KCNH4: variants seen among roughly 807,000 people sequenced by gnomAD.
KCNH4 encodes voltage-gated delayed rectifier potassium channel KCNH4.
Under a neutral mutation model 90.7 loss-of-function variants are expected in KCNH4, and 33 were observed. That is an observed-to-expected ratio of 0.36 (90% CI 0.28 to 0.49). The LOEUF is 0.49. Among genes scored for constraint, KCNH4 ranks in the 20% least tolerant of loss-of-function variants. The probability of loss-of-function intolerance (pLI) is 0.98; values close to 1 mark genes in which losing one functional copy is unlikely to be tolerated. For missense variants in KCNH4, 1,044 were observed against 1,387.1 expected (o/e 0.75, Z 3.93); for synonymous variants, 551 against 581.7 (o/e 0.95, Z 0.76).
intron 14 of KCNH4, 144 bp from the exon 15 acceptor site, chr17:42,162,465 C>T (rs2079755758): frequency 3.2e-6 from 2 of 631,582 alleles, no homozygotes; most frequent in Non-Finnish European, 2.7e-6. Flanking sequence ...ACCTAAACTC[C>T]TTAGCCTGGT....
rs756301057 is a variant in KCNH4 at position 42,178,918 on chromosome 17, T to C, written c.185A>G (p.Gln62Arg). ...GAGGAAACGGCAGCTGCAGGTCTTC[T>C]GCATGACCTCGGTGCGACCGTAGCC... Reference protein sequence around the residue: ...LTGYGRTEVMQKTCSCRFLYG... With the variant: ...LTGYGRTEVMRKTCSCRFLYG... Residue 62 changes from glutamine (Q) to arginine (R), a missense_variant, in exon 2 of 17, where the codon CAG (glutamine) becomes CGG (arginine). Transcript: ENST00000264661. 4 of 1,614,064 alleles carry C rather than the reference T, an allele frequency of 2.5e-6. No individual in the cohort carries two copies. The highest frequency in any genetic ancestry group is 3.4e-6 in the Non-Finnish European group (4 of 1,180,038).
intron 5 of KCNH4, 42 bp from the exon 6 acceptor site, chr17:42,175,778 G>A: frequency 6.2e-7 from 1 of 1,610,748 alleles, no homozygotes; most frequent in Non-Finnish European, 8.5e-7. Context: ...CTTGGCAAAG[G>A]GGTCAAGAAA....
chr17:42,169,989 G>T, intron 8 of KCNH4, 118 bp downstream of exon 8: 1 of 1,071,872 alleles, frequency 9.3e-7, no homozygotes, highest in Non-Finnish European at 1.3e-6. Flanking sequence ...ATGAATGCGT[G>T]ACTGTCTGGA....
At position 42,163,530 on chromosome 17, in the gene KCNH4, C is replaced by T. The variant is rs775881983; in HGVS notation, c.2477+76G>A. 1.1e-5 allele frequency: 9 copies of T among 795,138 alleles called. No homozygotes were observed. The highest frequency in any genetic ancestry group is 2.7e-5 in the Admixed American group (1 of 36,622). 49.3% of individuals were successfully genotyped at this position (795,138 alleles called of 1,614,324 possible). A position where few individuals can be genotyped will look rare whatever the true frequency, so the allele number is the denominator to read the frequency against. ...AGACGGAATGTAGCACTGTTTGGAA[C>T]GCCAGGGATAGAGCCCAGAGAAGGT... On this transcript the variant is annotated intron_variant, in intron 13 of 16. Transcript: ENST00000264661. This position sits in a 1 kb window ranked among gnomAD's most constrained non-coding sequence, Gnocchi z 5.4.
At position 42,165,538 on chromosome 17, in the gene KCNH4, G is replaced by A. The variant is rs757435873; in HGVS notation, c.1996C>T (p.Leu666=). 6.2e-7 allele frequency: 1 copy of A among 1,614,230 alleles called. No individual in the cohort carries two copies. Among genetic ancestry groups the A allele is most frequent in the South Asian group, 1.1e-5 (1 of 91,088 alleles). ...QLSSRGLAEV[L]RLYPEYGAAF... is the part of the protein sequence containing the mutation. ...GCCCCATACTCAGGATAGAGCCTCA[G>A]GACCTCAGCCAGCCCTCGGCTGCTC... is the stretch of plus-strand genomic sequence containing the variant. Residue 666 remains leucine, a synonymous_variant, in exon 11 of 17, where the codon CTG becomes TTG. Transcript: ENST00000264661.
At chr17:42,178,671 G>T (rs1044054699) in intron 2 of KCNH4, 122 bp downstream of exon 2, 1 of 1,118,542 alleles carries the variant, frequency 8.9e-7, no homozygotes. Context: ...TCAGGGATAC[G>T]CTCCGTCACA....
In KCNH4 at chr17:42,180,978, G is replaced by C. The variant is rs781357983; in HGVS notation, c.-33C>G. The C allele has an allele frequency of 1.9e-6, 3 of 1,596,806 alleles. No individual in the cohort carries two copies. In the East Asian group the frequency reaches 6.9e-5, roughly 37 times the overall value. ...GGGCGTGGGTTCAAGGCGCGGCGCT[G>C]GGGAGCTTTCAGCGCGGCCGGGCCG... is the stretch of plus-strand genomic sequence containing the variant. On this transcript the variant is annotated 5_prime_UTR_variant, in exon 1 of 17. Coordinates refer to ENST00000264661, the MANE Select transcript of KCNH4 (RefSeq NM_012285.3). The surrounding 1 kb of genome is among the most constrained non-coding windows in gnomAD (Gnocchi z 4.7).
At chr17:42,157,706 C>T (rs184418746) in intron 16 of KCNH4, among the ~76,000 whole-genome samples, 201 of 152,278 alleles carry the variant, frequency 1.3e-3, no homozygotes, top group Non-Finnish European at 2.3e-3. Flanking sequence ...CTCCTGGGCT[C>T]AAGAGATCCT....
In KCNH4 at chr17:42,175,732, G is replaced by T. The variant is rs1421564205; in HGVS notation, c.834C>A (p.Ile278=). 2 of 1,614,014 alleles carry T rather than the reference G, an allele frequency of 1.2e-6. No homozygotes were observed. The highest frequency in any genetic ancestry group is 1.7e-6 in the Non-Finnish European group (2 of 1,179,932). The change falls in exon 6 of 17, where the codon ATC becomes ATA. Residue 278 remains isoleucine, a synonymous_variant. Coordinates refer to ENST00000264661, the MANE Select transcript of KCNH4 (RefSeq NM_012285.3). ...IAVEMLFILD[I]ILNFRTTYVS... ...CATAGGTGGTGCGGAAGTTCAGGATGATATCTGGGGGTGCAAGAGGCTATT... is the reference window on the plus strand; with the variant it reads ...CATAGGTGGTGCGGAAGTTCAGGATTATATCTGGGGGTGCAAGAGGCTATT...
chr17:42,161,628 TA>T (rs546039557), intron 15 of KCNH4, among the ~76,000 whole-genome samples: 107 of 151,942 alleles, frequency 7.0e-4, no homozygotes, highest in Non-Finnish European at 1.3e-3. Flanking sequence ...ACGGCTGGGG[TA>T]AGGGAAAGAG....
intron 4 of KCNH4, among the ~76,000 whole-genome samples, chr17:42,177,694 C>T (rs183237188): frequency 6.6e-6 from 1 of 152,166 alleles, no homozygotes; most frequent in Non-Finnish European, 1.5e-5. Context: ...GGGACTCAAT[C>T]CCCTGGCTTG....
intron 16 of KCNH4, among the ~76,000 whole-genome samples, chr17:42,157,800 G>T (rs1043186845): frequency 2.7e-5 from 4 of 150,662 alleles, no homozygotes; most frequent in South Asian, 4.2e-4. Context: ...AGAGATGGGT[G>T]GGGGGGGTGT....
chr17:42,170,366 G>T, intron 7 of KCNH4, 65 bp from the exon 8 acceptor site: 2 of 1,404,854 alleles, frequency 1.4e-6, no homozygotes, highest in South Asian at 1.3e-5. Context: ...GGTTCCCTGA[G>T]CCACCTACGC....
chr17:42,173,028 G>T (rs1280478624), intron 6 of KCNH4, among the ~76,000 whole-genome samples: 1 of 151,790 alleles, frequency 6.6e-6, no homozygotes, highest in African/African-American at 2.4e-5. Flanking sequence ...TGTGCTAGGG[G>T]TTGACGGAGA....
chr17:42,165,307 G>C (rs1490611283), intron 11 of KCNH4, 142 bp downstream of exon 11: 5 of 1,049,968 alleles, frequency 4.8e-6, no homozygotes, highest in Non-Finnish European at 7.1e-6. Context: ...TATGAAGCAG[G>C]TAAGGGGCAA....
intron 9 of KCNH4, 80 bp from the exon 10 acceptor site, chr17:42,166,626 A>G: frequency 6.6e-7 from 1 of 1,514,942 alleles, no homozygotes; most frequent in South Asian, 1.3e-5. Context: ...GCTGTCTTCA[A>G]AGAGAGAATT....
chr17:42,163,655 G>A lies in KCNH4; in HGVS notation c.2428C>T (p.Leu810Phe). 6.6e-7 allele frequency: 1 copy of A among 1,507,086 alleles called. No individual in the cohort carries two copies. The highest frequency in any genetic ancestry group is 8.9e-7 in the Non-Finnish European group (1 of 1,127,376). The allele number at this position is 1,507,086 out of a possible 1,614,324, so 93.4% of individuals were successfully genotyped here. ...AAGGTTCCCAGTGGGGGAATGAGAAGCTGAGGGGGCTTCCAGGCAGCAGAG... is the reference window on the plus strand; with the variant it reads ...AAGGTTCCCAGTGGGGGAATGAGAAACTGAGGGGGCTTCCAGGCAGCAGAG... ...RCSAAWKPPQ[L>F]LIPPLGTFGP... Residue 810 changes from leucine (L) to phenylalanine (F), a missense_variant, in exon 13 of 17, where the codon CTT becomes TTT. By Grantham distance (22) the Leu-to-Phe change is conservative. Coordinates refer to ENST00000264661, the MANE Select transcript of KCNH4 (RefSeq NM_012285.3). The surrounding 1 kb of genome is among the most constrained non-coding windows in gnomAD (Gnocchi z 5.4).
chr17:42,171,950 GCAGCCGCAA>G lies in KCNH4; in HGVS notation c.1024_1032del (p.Arg346_Leu348del). 6.2e-7 allele frequency: 1 copy of G among 1,607,474 alleles called. No homozygotes were observed. Among genetic ancestry groups the G allele is most frequent in the Non-Finnish European group, 8.5e-7 (1 of 1,177,890 alleles). On this transcript the variant is annotated inframe_deletion, in exon 7 of 17. Transcript: ENST00000264661. Reference sequence around the variant, plus strand: ...CGCTCCAGCTTCTGCAGCAGCCGCAGCAGCCGCAACAGCCGCACTGTCTTCAGTAGGTGC... The same window carrying G: ...CGCTCCAGCTTCTGCAGCAGCCGCAGCAGCCGCACTGTCTTCAGTAGGTGC...
chr17:42,166,183 T>C (rs2079785991), intron 10 of KCNH4, 114 bp downstream of exon 10: 2 of 1,311,714 alleles, frequency 1.5e-6, no homozygotes, highest in East Asian at 5.1e-5. Flanking sequence ...GCAGGAACTG[T>C]AGGTATCCAC....
Sources: gnomAD v4.1 joint callset for allele counts (sites outside exome capture counted in the v4.1 genomes callset) on GRCh38, gnomAD v4.1.1 for gene constraint, Gnocchi (gnomAD v3.1) non-coding constraint, MANE v1.5 for transcripts, NCBI Gene and HGNC (gene_info 2026-07-23, HGNC 2026-07-21) for gene names.